The following ZNF584 variants were observed in gnomAD, a reference collection of about 807,000 sequenced individuals.
ZNF584 encodes zinc finger protein 584.
Under a neutral mutation model 14.7 loss-of-function variants are expected in ZNF584, and 12 were observed. That is an observed-to-expected ratio of 0.82 (90% confidence interval 0.52 to 1.32). The LOEUF (loss-of-function observed/expected upper bound fraction) is 1.32. Ranked by LOEUF, ZNF584 falls within the 40% of genes most tolerant of loss-of-function variation. The probability of loss-of-function intolerance (pLI) is 0.00; values close to 1 mark genes in which losing one functional copy is unlikely to be tolerated. For missense variants in ZNF584, 478 were observed against 518.8 expected, an observed-to-expected ratio of 0.92 and a Z score of 0.76; for synonymous variants, 204 against 190.9, an observed-to-expected ratio of 1.07 and a Z score of -0.57.
upstream of ZNF584, among the ~76,000 whole-genome samples, chr19:58,403,856 C>G (rs2052446193): frequency 6.7e-6 from 1 of 149,586 alleles, no homozygotes; most frequent in Non-Finnish European, 1.5e-5. Context: ...GTCGTCCCAG[C>G]TATTCGTGAG....
upstream of ZNF584, chr19:58,408,233 C>G (rs942211464): frequency 2.0e-5 from 3 of 152,446 alleles, no homozygotes; most frequent in African/African-American, 7.2e-5. Context: ...GGGGCGGTTG[C>G]GGGCACAGGC....
At chr19:58,404,748 G>C (rs1325211884), upstream of ZNF584, 2 of 212,550 alleles carry the variant, frequency 9.4e-6, no homozygotes, top group Non-Finnish European at 1.9e-5. Context: ...GAGCTGTTGG[G>C]TACACCTCCC....
intron 2 of ZNF584, among the ~76,000 whole-genome samples, chr19:58,415,175 G>A (rs1462367736): frequency 6.6e-6 from 1 of 151,716 alleles, no homozygotes; most frequent in Non-Finnish European, 1.5e-5. Flanking sequence ...TTACAGGCGT[G>A]AGCCACTGCG....
intron 2 of ZNF584, among the ~76,000 whole-genome samples, chr19:58,410,542 T>TTTTTTTTTTTTTTTTTTTTTTTGAGAC (rs1568584343): frequency 6.5e-5 from 1 of 15,376 alleles, no homozygotes. Flanking sequence ...TATATATATA[T>TTTTTTTTTTTTTTTTTTTTTTTGAGAC]ATATATATAT....
chr19:58,415,756 CCTT>C, intron 3 of ZNF584, 110 bp downstream of exon 3: 1 of 1,612,418 alleles, frequency 6.2e-7, no homozygotes. Context: ...TACCTTATTT[CCTT>C]CCACCTTTCC....
intron 1 of ZNF584, among the ~76,000 whole-genome samples, chr19:58,402,034 A>C (rs545861637): frequency 5.2e-4 from 78 of 150,756 alleles, no homozygotes; most frequent in African/African-American, 1.8e-3. Context: ...GCGCCACTGC[A>C]CTCCAGCCCG....
upstream of ZNF584, among the ~76,000 whole-genome samples, chr19:58,404,062 AAG>A (rs1221245958): frequency 2.0e-5 from 3 of 152,032 alleles, no homozygotes; most frequent in East Asian, 5.8e-4. Context: ...GTAAGTGGTT[AAG>A]AGAGAACTTT....
chr19:58,409,372 G>A (rs1364205213), intron 1 of ZNF584, among the ~76,000 whole-genome samples: 1 of 152,248 alleles, frequency 6.6e-6, no homozygotes, highest in African/African-American at 2.4e-5. Context: ...TGCTGTGCCA[G>A]GCCCTCTGGA....
chr19:58,410,164 C>A (rs990234426), intron 2 of ZNF584, 73 bp downstream of exon 2: 4 of 1,508,534 alleles, frequency 2.7e-6, no homozygotes, highest in Non-Finnish European at 3.5e-6. Flanking sequence ...CTGTCCATAA[C>A]GAAGCCAGAC....
intron 1 of ZNF584, among the ~76,000 whole-genome samples, chr19:58,402,752 A>T (rs1599940614): frequency 7.6e-6 from 1 of 130,730 alleles, no homozygotes; most frequent in East Asian, 2.6e-4. Context: ...TGAACTCGGG[A>T]GGCGGAGGTT....
chr19:58,412,666 A>G (rs540298088), intron 2 of ZNF584, among the ~76,000 whole-genome samples: 6 of 152,272 alleles, frequency 3.9e-5, no homozygotes, highest in Admixed American at 1.3e-4. Flanking sequence ...GCCTCAATGG[A>G]TGAGTTGGGA....
chr19:58,410,104 C>T lies in ZNF584; in HGVS notation c.169+13C>T, dbSNP rs1411092602. On this transcript the variant is annotated intron_variant, in intron 2 of 3. Coordinates refer to ENST00000306910, the MANE Select transcript of ZNF584 (RefSeq NM_173548.3). ...GTTAGCTCACTGGGTAAGTCTCTTACACTGTCCCCCAGCACACTGACTACC... is the reference window on the plus strand; with the variant it reads ...GTTAGCTCACTGGGTAAGTCTCTTATACTGTCCCCCAGCACACTGACTACC... 1.9e-6 allele frequency: 3 copies of T among 1,597,434 alleles called. No homozygotes were observed. The East Asian group carries it at 6.7e-5, about 36-fold the overall frequency.
chr19:58,416,781 C>T (rs1472760284), intron 3 of ZNF584, 30 bp from the exon 4 acceptor site: 1 of 1,523,884 alleles, frequency 6.6e-7, no homozygotes, highest in Non-Finnish European at 8.8e-7. Flanking sequence ...TCTAGTTCAA[C>T]TCTTAGTAAT....
chr19:58,415,138 C>T (rs936107306), intron 2 of ZNF584, among the ~76,000 whole-genome samples: 6 of 152,052 alleles, frequency 3.9e-5, no homozygotes, highest in Admixed American at 3.9e-4. Flanking sequence ...CGTGATCCGC[C>T]CACCTTGGCC....
upstream of ZNF584, chr19:58,407,288 G>T (rs1179345830): frequency 2.0e-5 from 3 of 152,350 alleles, no homozygotes; most frequent in Non-Finnish European, 4.4e-5. Flanking sequence ...CCCAGCAAGC[G>T]AGAATAATCC....
In ZNF584 at chr19:58,409,942, C is replaced by G. The variant is rs555720566; in HGVS notation, c.20C>G (p.Ala7Gly). MAGEAE[A>G]QLDPSLQGLV... The stretch of plus-strand genomic sequence containing the variant: ...TTTCTGCCCATCATTGACCCCAAGG[C>G]TCAGTTGGACCCATCATTGCAGGGC... The change falls in exon 2 of 4, where the codon GCT becomes GGT. Residue 7 changes from alanine to glycine, a missense_variant and splice_region_variant. By Grantham distance (60) the Ala-to-Gly change is moderately conservative. This residue lies in a region of ZNF584 where 189 missense variants were observed against 177.9 expected (regional missense o/e 1.06). Transcript: ENST00000306910. The G allele has an allele frequency of 1.1e-5, 17 of 1,613,900 alleles. No homozygotes were observed. In the African/African-American group the frequency reaches 2.3e-4, roughly 22 times the overall value.
chr19:58,410,269 T>G (rs910770924), intron 2 of ZNF584, among the ~76,000 whole-genome samples, 178 bp downstream of exon 2: 1 of 151,566 alleles, frequency 6.6e-6, no homozygotes, highest in African/African-American at 2.4e-5. Context: ...TTCCCTGCCT[T>G]TCTCTGAGCA....
At chr19:58,413,340 CT>C (rs2052599466) in intron 2 of ZNF584, among the ~76,000 whole-genome samples, 2 of 151,316 alleles carry the variant, frequency 1.3e-5, no homozygotes, top group Non-Finnish European at 2.9e-5. Context: ...TTTTCTTTTT[CT>C]TTTTCTTTTT....
At chr19:58,416,403 A>ATT (rs143334237) in intron 3 of ZNF584, 16 of 133,096 alleles carry the variant, frequency 1.2e-4, no homozygotes, top group South Asian at 2.3e-4. Context: ...TGCCTGGCTA[A>ATT]TTTTTTTTTT....
Sources: allele counts gnomAD v4.1 joint callset (sites outside exome capture counted in the v4.1 genomes callset), GRCh38; gene constraint gnomAD v4.1.1; regional missense constraint gnomAD v4.1.1; transcripts MANE v1.5; gene names NCBI Gene and HGNC (gene_info 2026-07-23, HGNC 2026-07-21).